Variants in DCLK1 observed in about 807,000 individuals in gnomAD.
DCLK1 encodes the protein serine/threonine-protein kinase DCLK1.
In DCLK1, 16 loss-of-function variants were observed where a neutral mutation model predicts 86.2. That is an observed-to-expected ratio of 0.19 (90% confidence interval 0.13 to 0.28). The LOEUF is 0.28. Among genes scored for constraint, DCLK1 ranks in the 10% least tolerant of loss-of-function variants. The pLI, the probability that DCLK1 is intolerant of heterozygous loss-of-function variation, is 1.00. For synonymous variants in DCLK1, 369 were observed against 370.5 expected, an observed-to-expected ratio of 1.00 and a Z score of 0.05; for missense variants, 590 against 940.2, an observed-to-expected ratio of 0.63 and a Z score of 4.87.
intron 16 of DCLK1, among the ~76,000 whole-genome samples, chr13:35,785,240 A>G (rs914425703): frequency 1.3e-5 from 2 of 152,190 alleles, no homozygotes; most frequent in Admixed American, 6.5e-5. Flanking sequence ...TACAGGGCAT[A>G]GCACTTGCCA....
intron 4 of DCLK1, among the ~76,000 whole-genome samples, chr13:35,916,176 C>T (rs201951231): frequency 6.6e-6 from 1 of 152,076 alleles, no homozygotes; most frequent in Non-Finnish European, 1.5e-5. Context: ...ATCCCATGGG[C>T]AAAAGAAACC....
chr13:36,022,697 A>G (rs1403513440), intron 3 of DCLK1, among the ~76,000 whole-genome samples: 2 of 152,136 alleles, frequency 1.3e-5, no homozygotes, highest in Non-Finnish European at 2.9e-5. Context: ...AAAATATACA[A>G]ACTACCAAAG....
At chr13:36,095,646 C>T (rs1027443487) in intron 3 of DCLK1, among the ~76,000 whole-genome samples, 1 of 152,178 alleles carries the variant, frequency 6.6e-6, no homozygotes, top group Admixed American at 6.5e-5. Flanking sequence ...AATTCCACCA[C>T]CCCTTCCCCC....
At chr13:35,779,300 A>C (rs7999483) in intron 16 of DCLK1, among the ~76,000 whole-genome samples, 16,482 of 152,140 alleles carry the variant, frequency 0.11, 1,168 homozygotes, top group East Asian at 0.34. Context: ...TGAAGACTTG[A>C]TCAAATTTTA....
At chr13:35,945,927 G>A (rs554112295) in intron 4 of DCLK1, among the ~76,000 whole-genome samples, 2 of 152,298 alleles carry the variant, frequency 1.3e-5, no homozygotes, top group African/African-American at 4.8e-5. Flanking sequence ...CTCTTCACAT[G>A]ACACATCTAT....
At chr13:36,037,448 T>C (rs1208192919) in intron 3 of DCLK1, among the ~76,000 whole-genome samples, 3 of 122,988 alleles carry the variant, frequency 2.4e-5, no homozygotes, top group African/African-American at 9.4e-5. Flanking sequence ...GATATCCCGA[T>C]TACCCTAATG....
chr13:35,872,571 G>A (rs1159055474), intron 4 of DCLK1, among the ~76,000 whole-genome samples: 1 of 152,072 alleles, frequency 6.6e-6, no homozygotes, highest in Non-Finnish European at 1.5e-5. Flanking sequence ...ACTCCCTTAG[G>A]ACAGATTTAG....
intron 3 of DCLK1, among the ~76,000 whole-genome samples, chr13:35,972,376 A>G (rs1879110113): frequency 6.6e-6 from 1 of 152,052 alleles, no homozygotes; most frequent in Admixed American, 6.6e-5. Flanking sequence ...TGAGATCTTG[A>G]CTGCTTACTA....
intron 3 of DCLK1, among the ~76,000 whole-genome samples, chr13:36,000,107 T>C (rs888974836): frequency 2.6e-5 from 4 of 152,110 alleles, no homozygotes; most frequent in Admixed American, 2.6e-4. Context: ...TTCTATTACA[T>C]GGCCAGCCTG....
intron 16 of DCLK1, among the ~76,000 whole-genome samples, chr13:35,779,951 A>G (rs1248844833): frequency 1.3e-5 from 2 of 151,750 alleles, no homozygotes; most frequent in African/African-American, 4.9e-5. Context: ...CTCATAAAAC[A>G]TGTAATCCAA....
At chr13:35,988,660 T>A (rs1223141344) in intron 3 of DCLK1, among the ~76,000 whole-genome samples, 1 of 152,242 alleles carries the variant, frequency 6.6e-6, no homozygotes, top group African/African-American at 2.4e-5. Flanking sequence ...TTCTTAAATC[T>A]ATTTTTCAAC....
At chr13:36,002,749 C>T (rs893175985) in intron 3 of DCLK1, among the ~76,000 whole-genome samples, 1 of 152,210 alleles carries the variant, frequency 6.6e-6, no homozygotes, top group African/African-American at 2.4e-5. Context: ...GTTGTTGCTT[C>T]TTTCAACCAT....
intron 3 of DCLK1, among the ~76,000 whole-genome samples, chr13:35,976,380 C>T (rs1272647288): frequency 2.0e-5 from 3 of 151,952 alleles, no homozygotes; most frequent in African/African-American, 4.8e-5. Context: ...CAGTGCTCAC[C>T]GTCTCCTCCC....
intron 5 of DCLK1, among the ~76,000 whole-genome samples, chr13:35,859,827 A>T (rs1208018143): frequency 6.6e-6 from 1 of 152,250 alleles, no homozygotes; most frequent in African/African-American, 2.4e-5. Flanking sequence ...ATTTGGAAAT[A>T]CTTGGCTTAA....
At chr13:35,833,520 G>A (rs1869125691) in intron 8 of DCLK1, among the ~76,000 whole-genome samples, 2 of 152,266 alleles carry the variant, frequency 1.3e-5, no homozygotes, top group Admixed American at 1.3e-4. Context: ...CACTCAAGAA[G>A]TTACTCCTGG....
chr13:35,805,137 T>C (rs780719517), intron 15 of DCLK1, among the ~76,000 whole-genome samples: 3 of 152,128 alleles, frequency 2.0e-5, no homozygotes, highest in Non-Finnish European at 2.9e-5. Flanking sequence ...AGAAAGCAGG[T>C]TGCGGGGTAG....
At chr13:35,944,367 A>G (rs1267667954) in intron 4 of DCLK1, among the ~76,000 whole-genome samples, 1 of 152,192 alleles carries the variant, frequency 6.6e-6, no homozygotes, top group Non-Finnish European at 1.5e-5. Flanking sequence ...AGATGTCTGT[A>G]CCCACCGCTG....
At chr13:36,117,597 A>G (rs1593906308) in intron 2 of DCLK1, among the ~76,000 whole-genome samples, 1 of 152,334 alleles carries the variant, frequency 6.6e-6, no homozygotes, top group East Asian at 1.9e-4. Flanking sequence ...AAATGTTTAT[A>G]CCCATAATCT....
At chr13:36,090,691 G>A (rs192665104) in intron 3 of DCLK1, among the ~76,000 whole-genome samples, 4 of 152,234 alleles carry the variant, frequency 2.6e-5, no homozygotes, top group Admixed American at 2.0e-4. Context: ...AAGGGTAACT[G>A]GATTCCCAAA....
Sources: gnomAD v4.1 joint callset for allele counts (sites outside exome capture counted in the v4.1 genomes callset) on GRCh38, gnomAD v4.1.1 for gene constraint, MANE v1.5 for transcripts, NCBI Gene and HGNC (gene_info 2026-07-23, HGNC 2026-07-21) for gene names.